GATAD2A: variants seen among roughly 807,000 people sequenced by gnomAD.
GATAD2A encodes the protein GATA zinc finger domain containing 2A.
In GATAD2A, 12 loss-of-function variants were observed where a neutral mutation model predicts 68.5. The ratio of observed to expected loss-of-function variants is 0.18; its 90% CI spans 0.11 to 0.28. GATAD2A has a LOEUF of 0.28. Ranked by LOEUF, GATAD2A falls within the 10% of genes least tolerant of loss-of-function variation. The probability of loss-of-function intolerance (pLI) is 1.00; values close to 1 mark genes in which losing one functional copy is unlikely to be tolerated. For synonymous variants in GATAD2A, 410 were observed against 375.3 expected, an observed-to-expected ratio of 1.09 and a Z score of -1.07; for missense variants, 755 against 868.5, an observed-to-expected ratio of 0.87 and a Z score of 1.64.
rs746078028 is a variant in GATAD2A at position 19,465,568 on chromosome 19, G to A, written c.223G>A (p.Glu75Lys). The change falls in exon 2 of 12, where the codon GAA becomes AAA. Residue 75 changes from glutamate (E) to lysine (K), a missense_variant. Coordinates refer to ENST00000683918, the MANE Select transcript of GATAD2A (RefSeq NM_001384528.1). ...EATAMAMGRG[E>K]GLVGDGPVDM... ...CACGGCCATGGCCATGGGCAGAGGC[G>A]AAGGGCTGGTGGGCGATGGGCCCGT... 2.1e-5 allele frequency: 34 copies of A among 1,613,556 alleles called. No individual in the cohort carries two copies. In the African/African-American group the frequency reaches 2.5e-4, roughly 12 times the overall value.
At chr19:19,499,960 G>T (rs2060414184) in intron 8 of GATAD2A, among the ~76,000 whole-genome samples, 1 of 152,196 alleles carries the variant, frequency 6.6e-6, no homozygotes, top group Non-Finnish European at 1.5e-5. Flanking sequence ...GGTGATGTCG[G>T]CAAAAGAGCC....
At chr19:19,488,637 C>G (rs770249181) in intron 2 of GATAD2A, among the ~76,000 whole-genome samples, 2 of 152,172 alleles carry the variant, frequency 1.3e-5, no homozygotes, top group Non-Finnish European at 2.9e-5. Flanking sequence ...TATGGAAGTT[C>G]CTGGCAGGTA....
chr19:19,389,676 A>G (rs2048704842), intron 1 of GATAD2A, among the ~76,000 whole-genome samples: 1 of 152,194 alleles, frequency 6.6e-6, no homozygotes, highest in Admixed American at 6.5e-5. Flanking sequence ...CCTCAGGGGA[A>G]GGGAAAGTTG....
rs1231680981 is a variant in GATAD2A, at chr19:19,507,000, C to G, written c.*1526C>G. The G allele has an allele frequency of 6.6e-6, 1 of 152,120 alleles. No individual in the cohort carries two copies. The highest frequency in any genetic ancestry group is 1.5e-5 in the Non-Finnish European group (1 of 68,022). 9.4% of individuals were successfully genotyped at this position (152,120 alleles called of 1,614,324 possible). ...CCCCAGGCTCCTGTCGTGTGAATAT[C>G]CTCAGTCTGTAGGAAACTTTTTTTG... On this transcript the variant is annotated 3_prime_UTR_variant, in exon 12 of 12. Coordinates refer to ENST00000683918, the MANE Select transcript of GATAD2A (RefSeq NM_001384528.1).
intron 1 of GATAD2A, among the ~76,000 whole-genome samples, chr19:19,395,034 A>G (rs1374621532): frequency 6.6e-6 from 1 of 152,154 alleles, no homozygotes; most frequent in Non-Finnish European, 1.5e-5. Flanking sequence ...AAGTAATGCA[A>G]CTGTGCATGT....
chr19:19,413,520 C>T (rs1360381957), intron 1 of GATAD2A, among the ~76,000 whole-genome samples: 3 of 152,136 alleles, frequency 2.0e-5, no homozygotes, highest in African/African-American at 7.2e-5. Context: ...TAGTCAGCTC[C>T]TTTCCTAGGG....
chr19:19,491,849 C>T (rs1039369692), intron 2 of GATAD2A, among the ~76,000 whole-genome samples: 1 of 152,212 alleles, frequency 6.6e-6, no homozygotes, highest in African/African-American at 2.4e-5. Context: ...GGGTTTCCAC[C>T]ATGGCCAGGG....
intron 8 of GATAD2A, among the ~76,000 whole-genome samples, chr19:19,500,487 C>A (rs1314701136): frequency 6.6e-6 from 1 of 152,154 alleles, no homozygotes; most frequent in South Asian, 2.1e-4. Flanking sequence ...GCCCAGACCT[C>A]ACGCCCGAGC....
intron 5 of GATAD2A, among the ~76,000 whole-genome samples, chr19:19,494,879 G>A (rs927581872): frequency 7.9e-5 from 12 of 152,228 alleles, no homozygotes; most frequent in South Asian, 2.1e-4. Flanking sequence ...GAACTGCCAC[G>A]TTGGTGGGAC....
intron 8 of GATAD2A, 120 bp from the exon 9 acceptor site, chr19:19,500,998 G>A: frequency 1.2e-6 from 1 of 858,374 alleles, no homozygotes; most frequent in Non-Finnish European, 1.8e-6. Context: ...GTGCCCAGTA[G>A]GCATTTGCAG....
Position 19,494,451 on chromosome 19 carries a change from G to C in GATAD2A, c.624+68G>C, listed in dbSNP as rs930301700. 2.9e-6 allele frequency: 3 copies of C among 1,018,166 alleles called. No homozygotes were observed. In the Admixed American group the frequency reaches 5.5e-5, roughly 18 times the overall value. The allele number at this position is 1,018,166 out of a possible 1,614,324, so 63.1% of individuals were successfully genotyped here. A position where few individuals can be genotyped will look rare whatever the true frequency, so the allele number is the denominator to read the frequency against. ...TGCTGCTGTCAAGCACAGGCTCCTC[G>C]GGCTCCCAAACAGCCCTGGCCCAGG... On this transcript the variant is annotated intron_variant, in intron 5 of 11. Coordinates refer to ENST00000683918, the MANE Select transcript of GATAD2A (RefSeq NM_001384528.1).
intron 1 of GATAD2A, among the ~76,000 whole-genome samples, chr19:19,429,460 A>G (rs2053485946): frequency 6.6e-6 from 1 of 152,066 alleles, no homozygotes; most frequent in Admixed American, 6.5e-5. Flanking sequence ...CACGTAGCGC[A>G]CTTGCGGCTG....
upstream of GATAD2A, among the ~76,000 whole-genome samples, chr19:19,405,345 G>A (rs2050092220): frequency 1.3e-5 from 2 of 152,202 alleles, no homozygotes; most frequent in African/African-American, 4.8e-5. Flanking sequence ...AGTTGCTTGA[G>A]GTCGCCCAGC....
intron 2 of GATAD2A, among the ~76,000 whole-genome samples, chr19:19,486,857 T>G (rs2059473372): frequency 6.6e-6 from 1 of 152,174 alleles, no homozygotes; most frequent in East Asian, 1.9e-4. Context: ...TCCTCTGCCC[T>G]GCCATGCAGG....
chr19:19,502,540 ACAGGGCTCCC>A lies in GATAD2A; in HGVS notation c.1774+20_1774+29del. ...CCCTCAGCACAGGTGGGTGACCTCCACAGGGCTCCCCAGGGGACCTGCCCATTGTGGGGTT... is the reference window on the plus strand; with the variant it reads ...CCCTCAGCACAGGTGGGTGACCTCCACAGGGGACCTGCCCATTGTGGGGTT... On this transcript the variant is annotated intron_variant, in intron 11 of 11. Transcript: ENST00000683918. The A allele has an allele frequency of 6.3e-7, 1 of 1,589,550 alleles. No individual in the cohort carries two copies. The highest frequency in any genetic ancestry group is 1.1e-5 in the South Asian group (1 of 88,894).
At chr19:19,488,688 G>A (rs2059597507) in intron 2 of GATAD2A, among the ~76,000 whole-genome samples, 2 of 152,232 alleles carry the variant, frequency 1.3e-5, no homozygotes, top group African/African-American at 4.8e-5. Context: ...CAGTGCCAGC[G>A]GGTCAGGGAG....
In GATAD2A at chr19:19,508,852, G is replaced by A. The variant is rs2060977242; in HGVS notation, c.*3378G>A. On this transcript the variant is annotated 3_prime_UTR_variant, in exon 12 of 12. Transcript: ENST00000683918. ...TGGGAATAGAAGTTCCAATAAGCAGGCTGGAATGGGTGGCTATACGTTGTA... is the reference window on the plus strand; with the variant it reads ...TGGGAATAGAAGTTCCAATAAGCAGACTGGAATGGGTGGCTATACGTTGTA... 1 of 152,230 alleles carries A rather than the reference G, an allele frequency of 6.6e-6. No individual in the cohort carries two copies. Among genetic ancestry groups the A allele is most frequent in the South Asian group, 2.1e-4 (1 of 4,838 alleles). The allele number at this position is 152,230 out of a possible 1,614,324, so 9.4% of individuals were successfully genotyped here. A position where few individuals can be genotyped will look rare whatever the true frequency, so the allele number is the denominator to read the frequency against.
At chr19:19,501,486 C>A in intron 9 of GATAD2A, 70 bp downstream of exon 9, 1 of 1,182,764 alleles carries the variant, frequency 8.5e-7, no homozygotes, top group Non-Finnish European at 1.2e-6. Flanking sequence ...CACCCCACGC[C>A]TGCGCTGCAC....
intron 9 of GATAD2A, 141 bp from the exon 10 acceptor site, chr19:19,501,828 T>A: frequency 1.5e-6 from 1 of 659,374 alleles, no homozygotes; most frequent in Non-Finnish European, 2.7e-6. Flanking sequence ...TCTTTGCAAT[T>A]CACTAAACGC....
Sources: gnomAD v4.1 joint callset for allele counts (sites outside exome capture counted in the v4.1 genomes callset) on GRCh38, gnomAD v4.1.1 for gene constraint, MANE v1.5 for transcripts, NCBI Gene and HGNC (gene_info 2026-07-23, HGNC 2026-07-21) for gene names.